Variants in PLEKHA8 observed in about 807,000 individuals in gnomAD.
PLEKHA8 encodes pleckstrin homology domain containing A8, also known as pleckstrin homology domain-containing family A member 8.
A neutral mutation model predicts 68.2 loss-of-function variants in PLEKHA8; 36 were observed. That is an observed-to-expected ratio of 0.53 (90% CI 0.40 to 0.70). The LOEUF is 0.70. Ranked by LOEUF, PLEKHA8 falls within the 30% of genes least tolerant of loss-of-function variation. The pLI is 0.00. For synonymous variants in PLEKHA8, 211 were observed against 216.1 expected, an observed-to-expected ratio of 0.98 and a Z score of 0.20; for missense variants, 505 against 615.4, an observed-to-expected ratio of 0.82 and a Z score of 1.90.
At chr7:30,090,476 A>AT in exon 13 of PLEKHA8, 1 of 276,526 alleles carries the variant, frequency 3.6e-6, no homozygotes, top group East Asian at 6.8e-5. Context: ...GATGAACCAA[A>AT]TAACTCAATG....
intron 13 of PLEKHA8, among the ~76,000 whole-genome samples, chr7:30,102,188 C>T (rs1213528053): frequency 1.3e-5 from 2 of 152,100 alleles, no homozygotes; most frequent in Non-Finnish European, 2.9e-5. Context: ...AAAAGGTGCT[C>T]AACATAGTAG....
intron 13 of PLEKHA8, among the ~76,000 whole-genome samples, chr7:30,107,674 C>T (rs1459829331): frequency 2.0e-5 from 3 of 152,092 alleles, no homozygotes; most frequent in African/African-American, 4.8e-5. Flanking sequence ...ACAATTTTTG[C>T]TATAGGTTCT....
intron 12 of PLEKHA8, chr7:30,069,890 C>T (rs1377993730): frequency 6.6e-6 from 1 of 152,160 alleles, no homozygotes; most frequent in Non-Finnish European, 1.5e-5. Flanking sequence ...ACTGACACAT[C>T]TCAAAGAACT....
At chr7:30,069,365 C>A (rs746676851) in intron 12 of PLEKHA8, among the ~76,000 whole-genome samples, 3 of 152,252 alleles carry the variant, frequency 2.0e-5, no homozygotes, top group Non-Finnish European at 4.4e-5. Flanking sequence ...CCCAGGCTTT[C>A]TCTTAAGACT....
chr7:30,079,638 T>A lies in PLEKHA8; in HGVS notation c.*851T>A, dbSNP rs527369146. On this transcript the variant is annotated 3_prime_UTR_variant, in exon 14 of 14. Coordinates refer to ENST00000449726, the MANE Select transcript of PLEKHA8 (RefSeq NM_001197026.2). ...GAGGGATCTGTTCACAGTCACATAG[T>A]TTTTAAGCAGAGGAGCCAGATAATT... The A allele has an allele frequency of 1.5e-5, 9 of 611,528 alleles. 1 individual carries two copies. The East Asian group carries it at 9.8e-4, about 67-fold the overall frequency. The allele number at this position is 611,528 out of a possible 1,614,324, so 37.9% of individuals were successfully genotyped here. A position where few individuals can be genotyped will look rare whatever the true frequency, so the allele number is the denominator to read the frequency against.
intron 13 of PLEKHA8, among the ~76,000 whole-genome samples, chr7:30,104,566 A>G (rs1795989958): frequency 6.6e-6 from 1 of 152,220 alleles, no homozygotes; most frequent in Non-Finnish European, 1.5e-5. Context: ...GATGAGCAAA[A>G]GAAGCCAGAT....
At chr7:30,036,360 C>A (rs1562851427) in intron 1 of PLEKHA8, among the ~76,000 whole-genome samples, 1 of 151,148 alleles carries the variant, frequency 6.6e-6, no homozygotes, top group African/African-American at 2.4e-5. Context: ...AAGACTGTCA[C>A]AAATAGATAG....
chr7:30,072,949 C>G (rs1181237730), intron 12 of PLEKHA8, among the ~76,000 whole-genome samples: 1 of 152,112 alleles, frequency 6.6e-6, no homozygotes, highest in African/African-American at 2.4e-5. Context: ...TCTGTGCCTC[C>G]TGAGAATGCA....
chr7:30,088,520 C>A (rs190133103), downstream of PLEKHA8, among the ~76,000 whole-genome samples: 11 of 152,292 alleles, frequency 7.2e-5, no homozygotes, highest in Non-Finnish European at 7.4e-5. Flanking sequence ...ACCCCCAGAG[C>A]TGCTGGTTTA....
chr7:30,104,078 A>C lies in PLEKHA8; in HGVS notation c.1363-25188A>C, dbSNP rs560968880. On this transcript the variant is annotated intron_variant, in intron 13 of 13. Transcript: ENST00000396257. ...CTGTTTTATAAAAGACCACATACAA[A>C]TGCCAGTAAAATATGAAAAAGGGTT... is the stretch of plus-strand genomic sequence containing the variant. Among the ~76,000 whole-genome samples the C allele has an allele frequency of 2.6e-5, 4 of 152,314 alleles. No homozygotes were observed. In the South Asian group the frequency reaches 8.3e-4, roughly 32 times the overall value.
intron 9 of PLEKHA8, among the ~76,000 whole-genome samples, chr7:30,059,122 A>G (rs1468348703): frequency 6.6e-6 from 1 of 152,240 alleles, no homozygotes; most frequent in Non-Finnish European, 1.5e-5. Flanking sequence ...CCCTGTCTCA[A>G]AAACAAAAGC....
At chr7:30,056,311 T>C (rs940207957) in intron 9 of PLEKHA8, among the ~76,000 whole-genome samples, 2 of 95,620 alleles carry the variant, frequency 2.1e-5, no homozygotes, top group African/African-American at 7.4e-5. Flanking sequence ...TCTCTCTCTC[T>C]CTATATATAT....
At chr7:30,054,643 A>G (rs2127980889) in intron 7 of PLEKHA8, 66 bp from the exon 8 acceptor site, 5 of 1,074,780 alleles carry the variant, frequency 4.7e-6, no homozygotes, top group Non-Finnish European at 4.8e-6. Context: ...GAAATTTTCA[A>G]CAATCAATAT....
At chr7:30,041,549 T>C (rs1012131966) in intron 1 of PLEKHA8, among the ~76,000 whole-genome samples, 1 of 151,618 alleles carries the variant, frequency 6.6e-6, no homozygotes, top group African/African-American at 2.4e-5. Context: ...GTGCATCACC[T>C]TGCCCAGCTA....
Position 30,078,786 on chromosome 7 carries a change from G to A in PLEKHA8, c.1559G>A (p.Ter520=). The A allele has an allele frequency of 6.2e-7, 1 of 1,613,024 alleles. No individual in the cohort carries two copies. Among genetic ancestry groups the A allele is most frequent in the South Asian group, 1.1e-5 (1 of 90,996 alleles). The change falls in exon 14 of 14, where the codon TGA becomes TAA. Residue 520 remains the stop codon, a stop_retained_variant. Coordinates refer to ENST00000449726, the MANE Select transcript of PLEKHA8 (RefSeq NM_001197026.2). ...GGGCTGGAATCTGATGAGGTGGTAT[G>A]ATGGCTGCTGGGCAGCACCTCCTAA... ...VHGLESDEVV[*]
Position 30,080,028 on chromosome 7 carries a change from T to G in PLEKHA8, c.*1241T>G, listed in dbSNP as rs1794843237. ...GCATTGACACCCAGCCAGCAGGCCT[T>G]TGCATTGCATTCGGGGACCATGACT... On this transcript the variant is annotated 3_prime_UTR_variant, in exon 14 of 14. Coordinates refer to ENST00000449726, the MANE Select transcript of PLEKHA8 (RefSeq NM_001197026.2). The G allele has an allele frequency of 1.0e-6, 1 of 985,192 alleles. No homozygotes were observed. Among genetic ancestry groups the G allele is most frequent in the Non-Finnish European group, 1.2e-6 (1 of 829,914 alleles). The allele number at this position is 985,192 out of a possible 1,614,324, so 61.0% of individuals were successfully genotyped here. A position where few individuals can be genotyped will look rare whatever the true frequency, so the allele number is the denominator to read the frequency against.
At position 30,101,019 on chromosome 7, in the gene PLEKHA8, G is replaced by A. The variant is rs138235455; in HGVS notation, c.1362+26887G>A. Among the ~76,000 whole-genome samples the A allele has an allele frequency of 5.7e-4, 87 of 151,950 alleles. 1 individual carries two copies. The highest frequency in any genetic ancestry group is 3.4e-3 in the Middle Eastern group (1 of 294). On this transcript the variant is annotated intron_variant, in intron 13 of 13. Transcript: ENST00000396257. ...AGCCTGGCCAACATGGTGAAACCCCGTCTCTACTAAAAATACAAAAATTAG... is the reference window on the plus strand; with the variant it reads ...AGCCTGGCCAACATGGTGAAACCCCATCTCTACTAAAAATACAAAAATTAG...
intron 13 of PLEKHA8, among the ~76,000 whole-genome samples, chr7:30,115,529 T>C: frequency 6.7e-6 from 1 of 148,214 alleles, no homozygotes; most frequent in South Asian, 2.1e-4. Flanking sequence ...CGTATACATG[T>C]AGACATATGT....
chr7:30,074,261 T>TGTGC (rs940441855), intron 13 of PLEKHA8, 129 bp downstream of exon 13: 1 of 677,448 alleles, frequency 1.5e-6, no homozygotes, highest in Non-Finnish European at 2.5e-6. Context: ...TGTGTGTGTG[T>TGTGC]GTGTGTGTGT....
Sources: gnomAD v4.1 joint callset for allele counts (sites outside exome capture counted in the v4.1 genomes callset) on GRCh38, gnomAD v4.1.1 for gene constraint, MANE v1.5 for transcripts, NCBI Gene and HGNC (gene_info 2026-07-23, HGNC 2026-07-21) for gene names.